DNAH10: variants seen among roughly 807,000 people sequenced by gnomAD.
DNAH10 encodes the protein dynein axonemal heavy chain 10.
Under a neutral mutation model 506.6 loss-of-function variants are expected in DNAH10, and 348 were observed. The ratio of observed to expected loss-of-function variants is 0.69; its 90% CI spans 0.63 to 0.75. DNAH10 has a LOEUF of 0.75. DNAH10 is among the 30% of genes least tolerant of loss of function. The pLI, the probability that DNAH10 is intolerant of heterozygous loss-of-function variation, is 0.00. For missense variants in DNAH10, 5,179 were observed against 5,787.1 expected, an observed-to-expected ratio of 0.89 and a Z score of 3.41; for synonymous variants, 2,059 against 2,198.6, an observed-to-expected ratio of 0.94 and a Z score of 1.78.
intron 51 of DNAH10, 74 bp from the exon 52 acceptor site, chr12:123,887,068 G>A (rs951236504): frequency 2.7e-5 from 41 of 1,492,058 alleles, no homozygotes; most frequent in African/African-American, 1.3e-4. Flanking sequence ...CTCCTCCAGC[G>A]TCCCCACCCC....
At chr12:123,923,092 A>G in intron 65 of DNAH10, 1 of 152,228 alleles carries the variant, frequency 6.6e-6, no homozygotes, top group Non-Finnish European at 1.5e-5. Flanking sequence ...CTTCTGTTAA[A>G]AAGCAAAAAA....
chr12:123,830,324 G>A lies in DNAH10; in HGVS notation c.4392-222G>A, dbSNP rs538045226. ...AGAAGGCCGTGAAGACTAGTGTATA[G>A]TGTATACAGTATTTTGCAAGATGTT... On this transcript the variant is annotated intron_variant, in intron 25 of 78. Coordinates refer to ENST00000673944, the MANE Select transcript of DNAH10 (RefSeq NM_001372106.1). Among the ~76,000 whole-genome samples, 7 of 152,316 alleles carry A rather than the reference G, an allele frequency of 4.6e-5. No individual in the cohort carries two copies. The East Asian group carries it at 7.7e-4, about 17-fold the overall frequency.
intron 24 of DNAH10, among the ~76,000 whole-genome samples, chr12:123,822,219 T>C (rs1959485268): frequency 1.3e-5 from 2 of 152,058 alleles, no homozygotes; most frequent in African/African-American, 4.8e-5. Flanking sequence ...AAAATAAAAA[T>C]AAAAAAGTTG....
At chr12:123,841,663 T>A in intron 30 of DNAH10, 118 bp downstream of exon 30, 1 of 868,302 alleles carries the variant, frequency 1.2e-6, no homozygotes, top group Non-Finnish European at 1.8e-6. Context: ...TTTTTTGCAA[T>A]AGGTCATTAG....
chr12:123,810,057 A>G (rs1008327028), intron 19 of DNAH10, among the ~76,000 whole-genome samples: 1 of 152,024 alleles, frequency 6.6e-6, no homozygotes, highest in Non-Finnish European at 1.5e-5. Flanking sequence ...TGATCCTTTC[A>G]GGCCACTAGA....
chr12:123,905,200 T>G (rs1031795372), intron 57 of DNAH10, among the ~76,000 whole-genome samples: 1 of 152,250 alleles, frequency 6.6e-6, no homozygotes, highest in Non-Finnish European at 1.5e-5. Flanking sequence ...CCCGATATTT[T>G]AGAACATTCC....
chr12:123,892,213 G>T (rs995720343), intron 52 of DNAH10, among the ~76,000 whole-genome samples: 2 of 152,200 alleles, frequency 1.3e-5, no homozygotes, highest in Non-Finnish European at 2.9e-5. Flanking sequence ...TCACAGTGCC[G>T]CAAGCTGTAC....
At chr12:123,843,654 T>TA (rs1488396289) in intron 30 of DNAH10, among the ~76,000 whole-genome samples, 2 of 152,230 alleles carry the variant, frequency 1.3e-5, no homozygotes, top group Non-Finnish European at 2.9e-5. Context: ...CTCGGCTTAC[T>TA]ACAACCTCCG....
intron 77 of DNAH10, chr12:123,934,225 C>T (rs776466879): frequency 1.3e-5 from 9 of 701,464 alleles, no homozygotes; most frequent in Non-Finnish European, 2.3e-5. Flanking sequence ...CGACTTCCTG[C>T]TCCCCAGCCA....
Position 123,929,645 on chromosome 12 carries a change from C to T in DNAH10, c.12517-19C>T, listed in dbSNP as rs889114694. 3.1e-6 allele frequency: 5 copies of T among 1,607,150 alleles called. No homozygotes were observed. The highest frequency in any genetic ancestry group is 2.7e-5 in the African/African-American group (2 of 74,772). On this transcript the variant is annotated intron_variant, in intron 71 of 78. Transcript: ENST00000673944. ...CTTGGTGGGTTTCAGTATAACTGAG[C>T]GTGTTCTCTTCTTTCAAGGTCTGCA...
At chr12:123,856,391 C>T (rs1486216061) in intron 36 of DNAH10, among the ~76,000 whole-genome samples, 2 of 150,640 alleles carry the variant, frequency 1.3e-5, no homozygotes, top group African/African-American at 2.4e-5. Context: ...GCCAGGAGTA[C>T]GATGGCGCAA....
intron 50 of DNAH10, among the ~76,000 whole-genome samples, chr12:123,880,005 C>T (rs1952434610): frequency 6.6e-6 from 1 of 152,216 alleles, no homozygotes; most frequent in African/African-American, 2.4e-5. Flanking sequence ...CTCCTGGGGC[C>T]ACCCCGTGAG....
At chr12:123,772,998 C>A in intron 4 of DNAH10, 56 bp downstream of exon 4, 2 of 1,155,914 alleles carry the variant, frequency 1.7e-6, no homozygotes, top group East Asian at 2.4e-5. Context: ...GTTGTGCATG[C>A]ACTTGTTCAC....
At position 123,787,009 on chromosome 12, in the gene DNAH10, G is replaced by A. The variant is rs1957881218; in HGVS notation, c.1422-795G>A. ...ACAGAATTAGCCGGGTGTGGTGGTG[G>A]GCGCCTGTAATCCCAGCCACTCAGG... On this transcript the variant is annotated intron_variant, in intron 9 of 78. Coordinates refer to ENST00000673944, the MANE Select transcript of DNAH10 (RefSeq NM_001372106.1). The surrounding 1 kb of genome is among the most constrained non-coding windows in gnomAD (Gnocchi z 4.6). 6.6e-6 allele frequency among the ~76,000 whole-genome samples: 1 copy of A among 152,018 alleles called. No individual in the cohort carries two copies. Among genetic ancestry groups the A allele is most frequent in the Admixed American group, 6.6e-5 (1 of 15,264 alleles).
chr12:123,889,037 C>T (rs1327734566), intron 52 of DNAH10, among the ~76,000 whole-genome samples: 2 of 152,190 alleles, frequency 1.3e-5, no homozygotes, highest in Non-Finnish European at 2.9e-5. Context: ...AAATTTCTAA[C>T]ATAACAGTGA....
chr12:123,899,964 C>A (rs1953443075), intron 56 of DNAH10, among the ~76,000 whole-genome samples: 1 of 152,214 alleles, frequency 6.6e-6, no homozygotes, highest in Non-Finnish European at 1.5e-5. Context: ...GATGCTGAGT[C>A]CTCACTGTGG....
chr12:123,896,148 C>CACACACACACAGAGAG (rs1383690518), intron 54 of DNAH10, among the ~76,000 whole-genome samples: 132 of 95,284 alleles, frequency 1.4e-3, no homozygotes, highest in Non-Finnish European at 1.9e-3. Context: ...CACACACACA[C>CACACACACACAGAGAG]AGAGAGAGAG....
rs1488259267 is a variant in DNAH10 at position 123,875,342 on chromosome 12, G to A, written c.8050G>A (p.Gly2684Ser). 1.9e-6 allele frequency: 3 copies of A among 1,613,988 alleles called. No homozygotes were observed. The highest frequency in any genetic ancestry group is 4.5e-5 in the East Asian group (2 of 44,874). The change falls in exon 47 of 79, where the codon GGC (glycine) becomes AGC (serine). Residue 2684 changes from glycine (G) to serine (S), a missense_variant. Physicochemically the swap from Gly to Ser is moderately conservative, Grantham distance 56. Transcript: ENST00000673944. The part of the protein sequence containing the change: ...ELNCKSIRDL[G>S]FIAAMGKAGG... ...GAACTGTAAAAGCATTCGAGACCTT[G>A]GCTTTATTGCTGCAATGGGAAAGGC...
intron 27 of DNAH10, among the ~76,000 whole-genome samples, chr12:123,834,131 G>T (rs573737337): frequency 3.3e-5 from 5 of 152,156 alleles, no homozygotes; most frequent in African/African-American, 1.2e-4. Flanking sequence ...TTGCTTTTTT[G>T]TTTGTTTGTT....
Sources: gnomAD v4.1 joint callset for allele counts (sites outside exome capture counted in the v4.1 genomes callset) on GRCh38, gnomAD v4.1.1 for gene constraint, Gnocchi (gnomAD v3.1) non-coding constraint, MANE v1.5 for transcripts, NCBI Gene and HGNC (gene_info 2026-07-23, HGNC 2026-07-21) for gene names.